The following CDH13 variants were observed in gnomAD, a reference collection of about 807,000 sequenced individuals.
The protein encoded by CDH13 is cadherin-13.
In CDH13, 24 loss-of-function variants were observed where a neutral mutation model predicts 63.8. That is an observed-to-expected ratio of 0.38 (90% confidence interval 0.27 to 0.53). The LOEUF (loss-of-function observed/expected upper bound fraction) is 0.53. CDH13 is among the 20% of genes least tolerant of loss of function. CDH13 has a pLI of 0.85. For missense variants in CDH13, 1,049 were observed against 903.1 expected (o/e 1.16, Z -2.07); for synonymous variants, 503 against 355.3 (o/e 1.42, Z -4.67).
At chr16:83,114,360 C>G (rs965250680) in intron 3 of CDH13, among the ~76,000 whole-genome samples, 3 of 152,082 alleles carry the variant, frequency 2.0e-5, no homozygotes, top group African/African-American at 7.2e-5. Flanking sequence ...TGACTTGCAC[C>G]CATTTCTAAC....
At chr16:83,232,209 CTTTT>C (rs1555516431) in intron 5 of CDH13, among the ~76,000 whole-genome samples, 1 of 68,852 alleles carries the variant, frequency 1.5e-5, no homozygotes, top group African/African-American at 6.3e-5. Flanking sequence ...AAAGTGTTTT[CTTTT>C]TTTTTTTTTT....
rs183216888 is a variant in CDH13 at position 83,020,839 on chromosome 16, A to C, written c.158-11171A>C. Among the ~76,000 whole-genome samples the C allele has an allele frequency of 1.8e-3, 278 of 152,318 alleles. 1 individual carries two copies. Among genetic ancestry groups the C allele is most frequent in the African/African-American group, 6.3e-3 (261 of 41,572 alleles). ...CACGAGACTGTCAAGGCATCAAAAC[A>C]CAATCAGGGTCTGAATCCCAATTTA... On this transcript the variant is annotated intron_variant, in intron 2 of 13. Transcript: ENST00000567109.
chr16:83,743,068 A>G (rs979075858), intron 10 of CDH13, among the ~76,000 whole-genome samples: 1 of 152,216 alleles, frequency 6.6e-6, no homozygotes. Context: ...TTAGCCAGGC[A>G]TGGTGGCAGG....
At chr16:83,317,635 T>C (rs1236186472) in intron 5 of CDH13, among the ~76,000 whole-genome samples, 1 of 152,054 alleles carries the variant, frequency 6.6e-6, no homozygotes, top group Non-Finnish European at 1.5e-5. Flanking sequence ...ACCCCATCTC[T>C]GCTAAAAATA....
At chr16:83,251,164 G>A (rs570484082) in intron 5 of CDH13, among the ~76,000 whole-genome samples, 1 of 152,116 alleles carries the variant, frequency 6.6e-6, no homozygotes, top group South Asian at 2.1e-4. Context: ...TCATAGATTT[G>A]TAAGATATTG....
intron 6 of CDH13, among the ~76,000 whole-genome samples, chr16:83,368,534 T>G (rs2091296581): frequency 6.6e-6 from 1 of 152,176 alleles, no homozygotes; most frequent in East Asian, 1.9e-4. Flanking sequence ...TTTTTTTATT[T>G]CAATAGGTTT....
At chr16:83,272,674 C>T (rs904044839) in intron 5 of CDH13, among the ~76,000 whole-genome samples, 2 of 152,092 alleles carry the variant, frequency 1.3e-5, no homozygotes, top group Non-Finnish European at 2.9e-5. Context: ...TCTGTGTGGC[C>T]CCTGAAGATT....
chr16:83,462,973 G>A (rs2073218164), intron 6 of CDH13, among the ~76,000 whole-genome samples: 1 of 152,102 alleles, frequency 6.6e-6, no homozygotes, highest in Non-Finnish European at 1.5e-5. Context: ...TTGTAGCTGA[G>A]ACTGATCACC....
At chr16:82,980,905 C>T (rs766308992) in intron 2 of CDH13, among the ~76,000 whole-genome samples, 50 of 152,278 alleles carry the variant, frequency 3.3e-4, no homozygotes, top group East Asian at 3.9e-4. Context: ...TGGCTGCTCC[C>T]GTTGTTAATT....
rs35207887 is a variant in CDH13, at chr16:83,030,640, T to TAA, written c.158-1348_158-1347dup. On this transcript the variant is annotated intron_variant, in intron 2 of 13. Coordinates refer to ENST00000567109, the MANE Select transcript of CDH13 (RefSeq NM_001257.5). ...TCTGGATGACAGAGCAAGACTCTGTTAAAAAAAAAAAAAAAAAAAAAAAGC... is the reference window on the plus strand; with the variant it reads ...TCTGGATGACAGAGCAAGACTCTGTTAAAAAAAAAAAAAAAAAAAAAAAAAGC... 4.6e-4 allele frequency among the ~76,000 whole-genome samples: 43 copies of TAA among 92,890 alleles called. 2 individuals are homozygous for TAA. Among genetic ancestry groups the TAA allele is most frequent in the Non-Finnish European group, 5.1e-4 (26 of 50,786 alleles). The allele number at this position is 92,890 out of a possible 152,430, so 60.9% of individuals were successfully genotyped here.
chr16:83,377,495 A>T (rs571483912), intron 6 of CDH13, among the ~76,000 whole-genome samples: 4 of 152,210 alleles, frequency 2.6e-5, no homozygotes, highest in South Asian at 4.1e-4. Context: ...GGTGAGCTTT[A>T]TTGTCAGTCA....
At chr16:83,033,446 AG>A (rs1916562331) in intron 3 of CDH13, among the ~76,000 whole-genome samples, 1 of 152,178 alleles carries the variant, frequency 6.6e-6, no homozygotes, top group African/African-American at 2.4e-5. Flanking sequence ...TGGTGACTTC[AG>A]TATATATATG....
chr16:83,400,770 C>T (rs543108091), intron 6 of CDH13, among the ~76,000 whole-genome samples: 1 of 152,274 alleles, frequency 6.6e-6, no homozygotes, highest in South Asian at 2.1e-4. Flanking sequence ...CACACTCTTT[C>T]CATTTGGCCC....
At chr16:83,427,842 T>C (rs544117718) in intron 6 of CDH13, among the ~76,000 whole-genome samples, 5 of 152,320 alleles carry the variant, frequency 3.3e-5, no homozygotes, top group Admixed American at 1.3e-4. Context: ...CCCCTAATAG[T>C]ATTAACAATT....
chr16:83,799,955 A>C lies in CDH13; in HGVS notation c.*4925A>C, dbSNP rs1904307842. The C allele has an allele frequency of 7.6e-6, 1 of 131,690 alleles. No individual in the cohort carries two copies. The highest frequency in any genetic ancestry group is 2.7e-5 in the African/African-American group (1 of 37,536). 8.2% of individuals were successfully genotyped at this position (131,690 alleles called of 1,614,324 possible). On this transcript the variant is annotated 3_prime_UTR_variant, in exon 14 of 14. Transcript: ENST00000567109. ...AGAACTTCAATTATATAATTTAAGA[A>C]GAGTCAGTCTATAATTTAAGCAGAA... is the stretch of plus-strand genomic sequence containing the variant.
chr16:83,337,401 T>C (rs1216239509), intron 5 of CDH13, among the ~76,000 whole-genome samples: 1 of 152,068 alleles, frequency 6.6e-6, no homozygotes, highest in African/African-American at 2.4e-5. Context: ...GTTGAGCCCC[T>C]TTTTTCCTCC....
intron 10 of CDH13, chr16:83,725,970 C>T (rs893949316): frequency 3.9e-5 from 6 of 152,128 alleles, no homozygotes; most frequent in East Asian, 1.9e-4. Flanking sequence ...AAAAAATTTC[C>T]CTTTGAAGTC....
chr16:83,671,013 A>G, intron 9 of CDH13, 41 bp downstream of exon 9: 1 of 1,498,696 alleles, frequency 6.7e-7, no homozygotes, highest in Non-Finnish European at 9.0e-7. Context: ...TCATGCGAGC[A>G]CGGAGGGCCC....
At chr16:83,672,162 G>T (rs1258424527) in intron 9 of CDH13, among the ~76,000 whole-genome samples, 2 of 152,120 alleles carry the variant, frequency 1.3e-5, no homozygotes. Context: ...TGTAAAATGA[G>T]AATGTTAATG....
Sources: allele counts gnomAD v4.1 joint callset (sites outside exome capture counted in the v4.1 genomes callset), GRCh38; gene constraint gnomAD v4.1.1; transcripts MANE v1.5; gene names NCBI Gene and HGNC (gene_info 2026-07-23, HGNC 2026-07-21).